CHIA: variants seen among roughly 807,000 people sequenced by gnomAD.
CHIA encodes the protein chitinase acidic, also known as acidic mammalian chitinase.
In CHIA, 47 loss-of-function variants were observed where a neutral mutation model predicts 53.5. That is an observed-to-expected ratio of 0.88 (90% CI 0.70 to 1.12). The LOEUF is 1.12. Ranked by LOEUF, CHIA falls within the 50% of genes most tolerant of loss-of-function variation. CHIA has a pLI of 0.00. For synonymous variants in CHIA, 268 were observed against 222.2 expected (o/e 1.21, Z -1.83); for missense variants, 652 against 592.2 (o/e 1.10, Z -1.05).
At chr1:111,291,281 A>G (rs1660999170) in intron 1 of CHIA, among the ~76,000 whole-genome samples, 1 of 152,188 alleles carries the variant, frequency 6.6e-6, no homozygotes, top group Non-Finnish European at 1.5e-5. Flanking sequence ...TCAATGATAG[A>G]CTGGATAAAG....
At chr1:111,300,063 T>C (rs1647583690) in intron 1 of CHIA, among the ~76,000 whole-genome samples, 2 of 152,070 alleles carry the variant, frequency 1.3e-5, no homozygotes, top group Admixed American at 1.3e-4. Flanking sequence ...TACAAAGCAC[T>C]GCTCAATGAA....
intron 1 of CHIA, among the ~76,000 whole-genome samples, chr1:111,302,662 C>G (rs894590783): frequency 1.3e-5 from 2 of 152,112 alleles, no homozygotes; most frequent in Non-Finnish European, 2.9e-5. Flanking sequence ...TAATTTGTGA[C>G]CTAATATATA....
Position 111,317,949 on chromosome 1 carries a change from C to A in CHIA, c.606-37C>A, listed in dbSNP as rs115320534. On this transcript the variant is annotated intron_variant, in intron 7 of 11. Coordinates refer to ENST00000369740, the MANE Select transcript of CHIA (RefSeq NM_201653.4). The stretch of plus-strand genomic sequence containing the variant: ...GTGCCTGCATAGGTGTGGGAAATGA[C>A]CATCAGAATGATTTTAAATCCTCCA... 2,163 of 1,613,528 alleles carry A rather than the reference C, an allele frequency of 1.3e-3. 24 individuals are homozygous for A. The African/African-American group carries it at 0.023, about 17-fold the overall frequency.
At chr1:111,297,366 C>G (rs1437528012) in intron 1 of CHIA, among the ~76,000 whole-genome samples, 1 of 152,206 alleles carries the variant, frequency 6.6e-6, no homozygotes, top group South Asian at 2.1e-4. Flanking sequence ...ATTGGACTAA[C>G]AGCGGATCTC....
chr1:111,317,635 T>C (rs1649263774), intron 6 of CHIA, 46 bp from the exon 7 acceptor site: 3 of 1,609,736 alleles, frequency 1.9e-6, no homozygotes, highest in Middle Eastern at 3.3e-4. Context: ...TTTAAGGAGC[T>C]AAAATCAGCA....
At chr1:111,311,745 A>G in intron 3 of CHIA, 27 bp downstream of exon 3, 1 of 1,607,022 alleles carries the variant, frequency 6.2e-7, no homozygotes, top group Non-Finnish European at 8.5e-7. Context: ...ATGTTTTATC[A>G]TTGAATGTAT....
At chr1:111,308,117 T>C (rs1648343411) in intron 1 of CHIA, among the ~76,000 whole-genome samples, 1 of 152,204 alleles carries the variant, frequency 6.6e-6, no homozygotes, top group African/African-American at 2.4e-5. Flanking sequence ...AATAACCAAG[T>C]GCTCAGATGG....
chr1:111,302,060 A>G (rs1176145786), intron 1 of CHIA, among the ~76,000 whole-genome samples: 1 of 152,240 alleles, frequency 6.6e-6, no homozygotes, highest in Non-Finnish European at 1.5e-5. Flanking sequence ...AAATTTAAAA[A>G]AAAGCCTCAT....
chr1:111,309,653 T>C (rs1648503162), intron 1 of CHIA, among the ~76,000 whole-genome samples: 1 of 152,162 alleles, frequency 6.6e-6, no homozygotes, highest in Non-Finnish European at 1.5e-5. Flanking sequence ...AAAAGAGAAA[T>C]GTATTATAGA....
intron 1 of CHIA, among the ~76,000 whole-genome samples, chr1:111,293,675 G>C (rs1661165310): frequency 6.6e-6 from 1 of 152,154 alleles, no homozygotes; most frequent in African/African-American, 2.4e-5. Flanking sequence ...CCAATGTTAT[G>C]AACTGTTTGC....
In CHIA at chr1:111,315,569, A is replaced by G. The variant is rs1649090898; in HGVS notation, c.480+134A>G. The G allele has an allele frequency of 5.3e-6, 5 of 934,766 alleles. No individual in the cohort carries two copies. The Admixed American group carries it at 8.3e-5, about 16-fold the overall frequency. The allele number at this position is 934,766 out of a possible 1,614,324, so 57.9% of individuals were successfully genotyped here. ...ATATTAGCATTGCAAAGAGTCTTAT[A>G]TATCGTGCGTTCATTAAACAAACAT... On this transcript the variant is annotated intron_variant, in intron 6 of 11. Transcript: ENST00000369740.
chr1:111,313,666 C>G (rs1648890447), intron 4 of CHIA, among the ~76,000 whole-genome samples: 1 of 152,112 alleles, frequency 6.6e-6, no homozygotes, highest in South Asian at 2.1e-4. Context: ...TCCCATTTGT[C>G]TATTTTTGCT....
intron 1 of CHIA, among the ~76,000 whole-genome samples, chr1:111,296,141 G>A (rs547972975): frequency 1.1e-4 from 16 of 152,334 alleles, no homozygotes; most frequent in African/African-American, 3.8e-4. Context: ...GGGCATAGCT[G>A]AACAAAAGGC....
chr1:111,293,873 A>C (rs1661180008), intron 1 of CHIA, among the ~76,000 whole-genome samples: 1 of 152,148 alleles, frequency 6.6e-6, no homozygotes, highest in South Asian at 2.1e-4. Flanking sequence ...TGAGCTCAGG[A>C]GTTTGAGACC....
chr1:111,309,800 A>C (rs1443787030), intron 1 of CHIA, among the ~76,000 whole-genome samples: 1 of 152,228 alleles, frequency 6.6e-6, no homozygotes, highest in Non-Finnish European at 1.5e-5. Context: ...ATCCATTAGC[A>C]ACGCAGTTTT....
rs542731620 is a variant in CHIA, at chr1:111,304,468, C to G, written c.-68-5932C>G. On this transcript the variant is annotated intron_variant, in intron 1 of 11. Coordinates refer to ENST00000369740, the MANE Select transcript of CHIA (RefSeq NM_201653.4). Reference sequence around the variant, plus strand: ...TGTTCCTCAAACTTAATAATTTTCACTCTCCTATCTTCATGTTTACCAATT... The same window carrying G: ...TGTTCCTCAAACTTAATAATTTTCAGTCTCCTATCTTCATGTTTACCAATT... Among the ~76,000 whole-genome samples, 4 of 151,808 alleles carry G rather than the reference C, an allele frequency of 2.6e-5. No individual in the cohort carries two copies. In the South Asian group the frequency reaches 8.3e-4, roughly 32 times the overall value.
chr1:111,315,304 C>T lies in CHIA; in HGVS notation c.349C>T (p.Gln117Ter), dbSNP rs754734109. 1.9e-5 allele frequency: 31 copies of T among 1,612,804 alleles called. No homozygotes were observed. The highest frequency in any genetic ancestry group is 2.0e-5 in the Non-Finnish European group (24 of 1,179,918). The change falls in exon 6 of 12, where the codon CAG becomes TAG. Residue 117 changes from glutamine (Q) to a stop codon, truncating the protein, a stop_gained. Transcript: ENST00000369740. LOFTEE classifies it high-confidence loss of function. ...CATGGTTTCTACTCCTGAGAACCGC[C>T]AGACTTTCATCACCTCAGTCATCAA... The part of the protein sequence containing the change: ...TAMVSTPENR[Q>*]TFITSVIKFL...
chr1:111,295,283 T>G (rs1428242889), intron 1 of CHIA, among the ~76,000 whole-genome samples: 1 of 152,166 alleles, frequency 6.6e-6, no homozygotes, highest in Non-Finnish European at 1.5e-5. Context: ...CAGGCTCAAG[T>G]GATTCTCCTA....
intron 1 of CHIA, among the ~76,000 whole-genome samples, chr1:111,309,801 A>G (rs1049245756): frequency 5.3e-5 from 8 of 152,228 alleles, no homozygotes; most frequent in Non-Finnish European, 7.3e-5. Context: ...TCCATTAGCA[A>G]CGCAGTTTTT....
Sources: gnomAD v4.1 joint callset for allele counts (sites outside exome capture counted in the v4.1 genomes callset) on GRCh38, gnomAD v4.1.1 for gene constraint, MANE v1.5 for transcripts, NCBI Gene and HGNC (gene_info 2026-07-23, HGNC 2026-07-21) for gene names.